The following TMEM132D variants were observed in gnomAD, a reference collection of about 807,000 sequenced individuals.
TMEM132D encodes the protein mature OL transmembrane protein.
Under a neutral mutation model 62.3 loss-of-function variants are expected in TMEM132D, and 21 were observed. The ratio of observed to expected loss-of-function variants is 0.34; its 90% CI spans 0.24 to 0.49. The LOEUF is 0.49. Among genes scored for constraint, TMEM132D ranks in the 20% least tolerant of loss-of-function variants. The pLI, the probability that TMEM132D is intolerant of heterozygous loss-of-function variation, is 0.99. For missense variants in TMEM132D, 1,346 were observed against 1,402.8 expected (o/e 0.96, Z 0.65); for synonymous variants, 621 against 575.6 (o/e 1.08, Z -1.13).
intron 3 of TMEM132D, among the ~76,000 whole-genome samples, chr12:129,510,340 G>A (rs1208406672): frequency 6.6e-6 from 1 of 151,786 alleles, no homozygotes; most frequent in African/African-American, 2.4e-5. Context: ...AGTTGTTAGA[G>A]CTCCTTATAT....
At chr12:129,535,866 G>T (rs558584299) in intron 2 of TMEM132D, among the ~76,000 whole-genome samples, 16 of 151,608 alleles carry the variant, frequency 1.1e-4, no homozygotes, top group South Asian at 8.4e-4. Flanking sequence ...AGGGGGACAG[G>T]GAGAGAAGTT....
At chr12:129,410,044 C>T (rs1445023100) in intron 3 of TMEM132D, among the ~76,000 whole-genome samples, 1 of 152,204 alleles carries the variant, frequency 6.6e-6, no homozygotes, top group Non-Finnish European at 1.5e-5. Context: ...TGCCTTGTTC[C>T]TTCTGGAGCA....
chr12:129,846,332 G>C (rs531782780), intron 1 of TMEM132D, among the ~76,000 whole-genome samples: 19 of 152,140 alleles, frequency 1.2e-4, no homozygotes, highest in Non-Finnish European at 2.1e-4. Context: ...ACTGAAGGCT[G>C]ACTAAGTCAA....
intron 2 of TMEM132D, among the ~76,000 whole-genome samples, chr12:129,631,637 C>G (rs1879347836): frequency 6.6e-6 from 1 of 152,154 alleles, no homozygotes; most frequent in Admixed American, 6.5e-5. Flanking sequence ...GACTGATGAT[C>G]CCCGGTGATG....
At chr12:129,730,965 C>T (rs187625046) in intron 1 of TMEM132D, among the ~76,000 whole-genome samples, 3 of 152,108 alleles carry the variant, frequency 2.0e-5, no homozygotes, top group South Asian at 2.1e-4. Context: ...AGATAGCCTA[C>T]GTGGGACCTC....
At chr12:129,249,119 T>C (rs1880199704) in intron 4 of TMEM132D, among the ~76,000 whole-genome samples, 1 of 152,188 alleles carries the variant, frequency 6.6e-6, no homozygotes, top group Admixed American at 6.5e-5. Context: ...GATCCCGGGA[T>C]ATTGTATACA....
chr12:129,886,812 C>G (rs985366273), intron 1 of TMEM132D, among the ~76,000 whole-genome samples: 1 of 152,114 alleles, frequency 6.6e-6, no homozygotes, highest in Non-Finnish European at 1.5e-5. Flanking sequence ...AGGGTGGTTA[C>G]CCCCATGCTG....
At chr12:129,850,729 G>C (rs1410659763) in intron 1 of TMEM132D, among the ~76,000 whole-genome samples, 2 of 152,172 alleles carry the variant, frequency 1.3e-5, no homozygotes, top group African/African-American at 4.8e-5. Flanking sequence ...AAATCCATCA[G>C]CATCTTCCAG....
chr12:129,458,759 T>C (rs1038104982), intron 3 of TMEM132D, among the ~76,000 whole-genome samples: 1 of 152,076 alleles, frequency 6.6e-6, no homozygotes, highest in African/African-American at 2.4e-5. Flanking sequence ...ATTCGGCCGA[T>C]GCGCCGAAGA....
intron 5 of TMEM132D, among the ~76,000 whole-genome samples, chr12:129,145,367 G>A (rs1469009606): frequency 2.0e-5 from 3 of 152,134 alleles, no homozygotes; most frequent in African/African-American, 4.8e-5. Context: ...CGGGTGGGGG[G>A]TTCAGGGATG....
chr12:129,072,082 T>A lies in TMEM132D; in HGVS notation c.*1793A>T, dbSNP rs1218240332. 6.6e-6 allele frequency: 1 copy of A among 151,948 alleles called. No homozygotes were observed. Among genetic ancestry groups the A allele is most frequent in the Non-Finnish European group, 1.5e-5 (1 of 68,048 alleles). 9.4% of individuals were successfully genotyped at this position (151,948 alleles called of 1,614,324 possible). On this transcript the variant is annotated 3_prime_UTR_variant, in exon 9 of 9. Coordinates refer to ENST00000422113, the MANE Select transcript of TMEM132D (RefSeq NM_133448.3). The stretch of plus-strand genomic sequence containing the variant: ...ACTGGTGAAATTTACACACACATGA[T>A]CTAAAGAGAATTCAATTCTATGGAG...
chr12:129,881,536 T>C (rs1001762221), intron 1 of TMEM132D, among the ~76,000 whole-genome samples: 2 of 151,878 alleles, frequency 1.3e-5, no homozygotes, highest in African/African-American at 4.8e-5. Context: ...AAAATCGATA[T>C]CAGAAAGGTA....
chr12:129,478,492 A>C (rs1874334708), intron 3 of TMEM132D, among the ~76,000 whole-genome samples: 2 of 152,324 alleles, frequency 1.3e-5, no homozygotes, highest in South Asian at 4.2e-4. Context: ...TCAAGGAATA[A>C]AATTAAACAA....
chr12:129,121,768 C>T (rs1396824322), intron 5 of TMEM132D, among the ~76,000 whole-genome samples: 1 of 152,154 alleles, frequency 6.6e-6, no homozygotes, highest in Admixed American at 6.5e-5. Context: ...GATCAAAAGC[C>T]ATGGTAAGCA....
intron 3 of TMEM132D, among the ~76,000 whole-genome samples, chr12:129,499,242 T>C (rs953122444): frequency 1.3e-5 from 2 of 152,154 alleles, no homozygotes; most frequent in Admixed American, 6.5e-5. Flanking sequence ...TAAAAGCAGA[T>C]AGTAGCATGT....
intron 4 of TMEM132D, chr12:129,209,911 A>C (rs917472028): frequency 1.3e-4 from 66 of 514,320 alleles, no homozygotes; most frequent in African/African-American, 1.2e-3. Flanking sequence ...GTGGCGGAGG[A>C]AATTTATTAC....
chr12:129,509,330 C>A lies in TMEM132D; in HGVS notation c.1115+21729G>T, dbSNP rs551871904. Among the ~76,000 whole-genome samples the A allele has an allele frequency of 3.3e-5, 5 of 151,998 alleles. No individual in the cohort carries two copies. In the South Asian group the frequency reaches 1.0e-3, roughly 32 times the overall value. The stretch of plus-strand genomic sequence containing the variant: ...ACAATTTACAAATAATAAGTGCACA[C>A]CTTAGTTTTTAATTTTTGTGGGTAC... On this transcript the variant is annotated intron_variant, in intron 3 of 8. Transcript: ENST00000422113.
chr12:129,811,124 T>C (rs140681411), intron 1 of TMEM132D, among the ~76,000 whole-genome samples: 2 of 151,964 alleles, frequency 1.3e-5, no homozygotes, highest in African/African-American at 4.8e-5. Context: ...AAGAAATTTG[T>C]CATATCTTTT....
intron 3 of TMEM132D, among the ~76,000 whole-genome samples, chr12:129,385,992 C>T (rs533401379): frequency 3.3e-5 from 5 of 152,264 alleles, no homozygotes; most frequent in South Asian, 2.1e-4. Context: ...ACACAGTTCC[C>T]CACCTGCTCC....
Sources: allele counts gnomAD v4.1 joint callset (sites outside exome capture counted in the v4.1 genomes callset), GRCh38; gene constraint gnomAD v4.1.1; transcripts MANE v1.5; gene names NCBI Gene and HGNC (gene_info 2026-07-23, HGNC 2026-07-21).